PIWIL3: variants seen among roughly 807,000 people sequenced by gnomAD.
PIWIL3 encodes the protein piwi like RNA-mediated gene silencing 3.
In PIWIL3, 101 loss-of-function variants were observed where a neutral mutation model predicts 109.7. That is an observed-to-expected ratio of 0.92 (90% CI 0.78 to 1.09). PIWIL3 has a LOEUF of 1.09. Among genes scored for constraint, PIWIL3 ranks in the 50% least tolerant of loss-of-function variants. The pLI is 0.00. For missense variants in PIWIL3, 1,031 were observed against 1,072.6 expected, an observed-to-expected ratio of 0.96 and a Z score of 0.54; for synonymous variants, 373 against 376.4, an observed-to-expected ratio of 0.99 and a Z score of 0.10.
At position 24,759,853 on chromosome 22, in the gene PIWIL3, T is replaced by A; in HGVS notation, c.223+16A>T. On this transcript the variant is annotated intron_variant, in intron 3 of 20. Coordinates refer to ENST00000616349, the MANE Select transcript of PIWIL3 (RefSeq NM_001255975.1). ...AAGCATCCCCTGCCCCTCATGTCCT[T>A]CTTGCTTCCTTTCACCTTGAGACTG... 4.3e-6 allele frequency: 7 copies of A among 1,611,512 alleles called. No homozygotes were observed. The highest frequency in any genetic ancestry group is 5.9e-6 in the Non-Finnish European group (7 of 1,178,502).
At chr22:24,743,528 C>G (rs1924129991) in intron 12 of PIWIL3, among the ~76,000 whole-genome samples, 1 of 152,136 alleles carries the variant, frequency 6.6e-6, no homozygotes, top group South Asian at 2.1e-4. Context: ...TTGCAGCAAC[C>G]TGGAGTTGGA....
At chr22:24,722,643 G>A (rs1297609975) in intron 19 of PIWIL3, among the ~76,000 whole-genome samples, 1 of 152,088 alleles carries the variant, frequency 6.6e-6, no homozygotes, top group Non-Finnish European at 1.5e-5. Flanking sequence ...AACCTGGGAG[G>A]AAGAGGTGGC....
At chr22:24,734,040 G>C in intron 14 of PIWIL3, 44 bp downstream of exon 14, 1 of 1,565,500 alleles carries the variant, frequency 6.4e-7, no homozygotes, top group Non-Finnish European at 8.6e-7. Context: ...AGATGGTTTG[G>C]AACAATAACT....
intron 6 of PIWIL3, 77 bp downstream of exon 6, chr22:24,755,707 C>G (rs1219083015): frequency 4.5e-6 from 7 of 1,562,524 alleles, no homozygotes; most frequent in Non-Finnish European, 6.1e-6. Flanking sequence ...GTGCTAGAAG[C>G]AAATGGCTGT....
chr22:24,773,871 C>A (rs1016431817), intron 1 of PIWIL3, among the ~76,000 whole-genome samples: 2 of 151,796 alleles, frequency 1.3e-5, no homozygotes, highest in African/African-American at 2.4e-5. Flanking sequence ...CCCGCCACTG[C>A]GCCCAGTTAA....
chr22:24,764,318 A>G (rs1164381536), intron 1 of PIWIL3, among the ~76,000 whole-genome samples: 1 of 152,130 alleles, frequency 6.6e-6, no homozygotes, highest in Non-Finnish European at 1.5e-5. Context: ...TCCTGGATTT[A>G]CCTGCCAGGT....
At chr22:24,720,290 T>TA (rs1569093683) in intron 19 of PIWIL3, among the ~76,000 whole-genome samples, 2 of 124,854 alleles carry the variant, frequency 1.6e-5, no homozygotes, top group African/African-American at 2.9e-5. Context: ...TTTTTTTTTT[T>TA]AGACGGAGTC....
intron 12 of PIWIL3, among the ~76,000 whole-genome samples, chr22:24,746,588 C>T (rs1044069628): frequency 2.3e-4 from 31 of 133,502 alleles, no homozygotes; most frequent in Admixed American, 2.2e-3. Context: ...TAAGATAATC[C>T]AAATTGCAAA....
intron 14 of PIWIL3, among the ~76,000 whole-genome samples, chr22:24,729,119 C>T (rs760129598): frequency 5.9e-5 from 9 of 152,224 alleles, no homozygotes; most frequent in Admixed American, 2.0e-4. Context: ...AAGGGGGAGG[C>T]TTGGCTGAGA....
At chr22:24,727,619 C>T (rs1041322452) in intron 16 of PIWIL3, among the ~76,000 whole-genome samples, 6 of 152,220 alleles carry the variant, frequency 3.9e-5, no homozygotes, top group Non-Finnish European at 7.3e-5. Context: ...TGTGGCTTAG[C>T]TGACACCTTA....
intron 12 of PIWIL3, among the ~76,000 whole-genome samples, chr22:24,740,973 T>G (rs1601834248): frequency 6.6e-6 from 1 of 152,196 alleles, no homozygotes; most frequent in Middle Eastern, 3.4e-3. Flanking sequence ...ACTATATAGA[T>G]CAATCTTCCT....
At chr22:24,747,160 C>T (rs931701976) in intron 12 of PIWIL3, among the ~76,000 whole-genome samples, 1 of 152,032 alleles carries the variant, frequency 6.6e-6, no homozygotes, top group East Asian at 1.9e-4. Flanking sequence ...AAATAGAGAA[C>T]CCAAAAATAA....
intron 19 of PIWIL3, among the ~76,000 whole-genome samples, chr22:24,720,627 ATTTATT>A (rs1026082398): frequency 1.4e-4 from 22 of 152,098 alleles, no homozygotes; most frequent in African/African-American, 4.1e-4. Flanking sequence ...TAAATATTGA[ATTTATT>A]TTTATGTGTA....
At position 24,759,746 on chromosome 22, in the gene PIWIL3, C is replaced by G. The variant is rs1925301416; in HGVS notation, c.223+123G>C. ...CAAAGAGAGACAGTTGCAAGCTGCA[C>G]ACACTTCCCATCCCACCAAACCTCA... On this transcript the variant is annotated intron_variant, in intron 3 of 20. Transcript: ENST00000616349. The G allele has an allele frequency of 8.6e-6, 12 of 1,399,858 alleles. No individual in the cohort carries two copies. The South Asian group carries it at 1.6e-4, about 19-fold the overall frequency. The allele number at this position is 1,399,858 out of a possible 1,614,324, so 86.7% of individuals were successfully genotyped here. A position where few individuals can be genotyped will look rare whatever the true frequency, so the allele number is the denominator to read the frequency against.
intron 1 of PIWIL3, among the ~76,000 whole-genome samples, chr22:24,764,559 C>CCTTGTCT: frequency 6.6e-6 from 1 of 151,350 alleles, no homozygotes; most frequent in East Asian, 1.9e-4. Flanking sequence ...AAATAAAAAA[C>CCTTGTCT]CTTGTCTCTT....
chr22:24,758,115 A>C, intron 3 of PIWIL3, 76 bp from the exon 4 acceptor site: 1 of 1,481,824 alleles, frequency 6.7e-7, no homozygotes, highest in South Asian at 1.3e-5. Flanking sequence ...CACCCAGCAT[A>C]AGTTTGTTAG....
chr22:24,740,256 A>G (rs1191051696), intron 12 of PIWIL3, among the ~76,000 whole-genome samples: 2 of 147,872 alleles, frequency 1.4e-5, no homozygotes, highest in Non-Finnish European at 3.0e-5. Context: ...TCAATTAGAA[A>G]TGAAACGGGA....
Position 24,754,086 on chromosome 22 carries a change from G to T in PIWIL3, c.905C>A (p.Ser302Tyr). The T allele has an allele frequency of 6.2e-7, 1 of 1,613,126 alleles. No homozygotes were observed. Among genetic ancestry groups the T allele is most frequent in the Non-Finnish European group, 8.5e-7 (1 of 1,179,060 alleles). ...GATGTTTCCTGTCTGGGCCTGGGCA[G>T]ATGTTCTCTTTATGAAATCATAAGC... Reference protein sequence around the residue: ...ETAYDFIKRTSAQAQTGNIRE... With the variant: ...ETAYDFIKRTYAQAQTGNIRE... Residue 302 changes from serine to tyrosine, a missense_variant, in exon 8 of 21, where the codon TCT becomes TAT. Physicochemically the swap from Ser to Tyr is moderately radical, Grantham distance 144. Transcript: ENST00000616349.
chr22:24,741,330 T>C (rs971855533), intron 12 of PIWIL3, among the ~76,000 whole-genome samples: 28 of 152,226 alleles, frequency 1.8e-4, no homozygotes, highest in Admixed American at 2.0e-4. Context: ...CTGGCTAACA[T>C]GGTGAAACCC....
Sources: allele counts gnomAD v4.1 joint callset (sites outside exome capture counted in the v4.1 genomes callset), GRCh38; gene constraint gnomAD v4.1.1; transcripts MANE v1.5; gene names NCBI Gene and HGNC (gene_info 2026-07-23, HGNC 2026-07-21).